Variants in SHISA6 observed in about 807,000 individuals in gnomAD.
SHISA6 encodes the protein shisa family member 6.
In SHISA6, 22 loss-of-function variants were observed where a neutral mutation model predicts 47.9. The ratio of observed to expected loss-of-function variants is 0.46; its 90% CI spans 0.33 to 0.66. The LOEUF (loss-of-function observed/expected upper bound fraction) is 0.66. SHISA6 is among the 30% of genes least tolerant of loss of function. The pLI, the probability that SHISA6 is intolerant of heterozygous loss-of-function variation, is 0.02. For missense variants in SHISA6, 680 were observed against 764.6 expected, an observed-to-expected ratio of 0.89 and a Z score of 1.30; for synonymous variants, 388 against 337.8, an observed-to-expected ratio of 1.15 and a Z score of -1.63.
chr17:11,272,626 C>CT (rs1908721960), intron 2 of SHISA6, among the ~76,000 whole-genome samples: 1 of 152,194 alleles, frequency 6.6e-6, no homozygotes, highest in Non-Finnish European at 1.5e-5. Flanking sequence ...TCTGGTTTCT[C>CT]TAAGGTGTGT....
intron 3 of SHISA6, among the ~76,000 whole-genome samples, chr17:11,432,006 T>TAC (rs1914792177): frequency 1.3e-5 from 2 of 152,282 alleles, no homozygotes; most frequent in African/African-American, 4.8e-5. Context: ...GCTCTTCAGG[T>TAC]ACACTAGAAT....
At position 11,276,615 on chromosome 17, in the gene SHISA6, T is replaced by C. The variant is rs374158936; in HGVS notation, c.799+13089T>C. Among the ~76,000 whole-genome samples the C allele has an allele frequency of 2.2e-3, 336 of 152,010 alleles. 3 individuals are homozygous for C. The highest frequency in any genetic ancestry group is 7.2e-3 in the African/African-American group (300 of 41,422). On this transcript the variant is annotated intron_variant, in intron 2 of 5. Coordinates refer to ENST00000441885, the MANE Select transcript of SHISA6 (RefSeq NM_207386.4). ...ATCGTTGTCACCACCACCACCACCA[T>C]CATCATCCTCACCATCACCAATACC...
intron 3 of SHISA6, among the ~76,000 whole-genome samples, chr17:11,545,924 G>A (rs1254895978): frequency 6.6e-6 from 1 of 152,162 alleles, no homozygotes; most frequent in East Asian, 1.9e-4. Context: ...AACACTTTTT[G>A]CACCCAGCCT....
In SHISA6 at chr17:11,494,602, G is replaced by A. The variant is rs147644211; in HGVS notation, c.896-57294G>A. On this transcript the variant is annotated intron_variant, in intron 3 of 5. Coordinates refer to ENST00000441885, the MANE Select transcript of SHISA6 (RefSeq NM_207386.4). ...CCCAAAATAACAGGGAGTTTATCTG[G>A]AATAGAGTGAAAACATAACAGAACT... 1.4e-4 allele frequency among the ~76,000 whole-genome samples: 21 copies of A among 152,284 alleles called. No homozygotes were observed. In the East Asian group the frequency reaches 4.1e-3, roughly 29 times the overall value.
chr17:11,264,097 G>A (rs1908340839), intron 2 of SHISA6, among the ~76,000 whole-genome samples: 1 of 152,126 alleles, frequency 6.6e-6, no homozygotes, highest in Admixed American at 6.5e-5. Flanking sequence ...GAAAATGGCA[G>A]GGCTTATTTT....
At position 11,297,680 on chromosome 17, in the gene SHISA6, G is replaced by C. The variant is rs118154629; in HGVS notation, c.799+34154G>C. Among the ~76,000 whole-genome samples, 21 of 152,304 alleles carry C rather than the reference G, an allele frequency of 1.4e-4. No individual in the cohort carries two copies. The East Asian group carries it at 4.1e-3, about 29-fold the overall frequency. ...CAGCCTTTGTTCTTAGTATCTGTGTGCTTAGCTGGAAATCAGTTTTTCTTA... is the reference window on the plus strand; with the variant it reads ...CAGCCTTTGTTCTTAGTATCTGTGTCCTTAGCTGGAAATCAGTTTTTCTTA... On this transcript the variant is annotated intron_variant, in intron 2 of 5. Transcript: ENST00000441885.
At chr17:11,523,249 A>AC (rs1296579971) in intron 3 of SHISA6, among the ~76,000 whole-genome samples, 2 of 151,504 alleles carry the variant, frequency 1.3e-5, no homozygotes, top group Middle Eastern at 3.2e-3. Flanking sequence ...AAGGCAGAAA[A>AC]CCCCCCGTTG....
At chr17:11,302,737 C>G (rs899597711) in intron 2 of SHISA6, among the ~76,000 whole-genome samples, 34 of 152,146 alleles carry the variant, frequency 2.2e-4, no homozygotes, top group African/African-American at 8.2e-4. Context: ...TGTGATCCAA[C>G]CATTTCACAT....
intron 3 of SHISA6, among the ~76,000 whole-genome samples, chr17:11,507,543 T>A (rs1017001885): frequency 6.6e-6 from 1 of 152,208 alleles, no homozygotes; most frequent in Non-Finnish European, 1.5e-5. Flanking sequence ...TTCTCTTACT[T>A]TGCCACCCTG....
At chr17:11,508,779 T>C (rs1226127962) in intron 3 of SHISA6, among the ~76,000 whole-genome samples, 1 of 138,688 alleles carries the variant, frequency 7.2e-6, no homozygotes, top group Non-Finnish European at 1.6e-5. Flanking sequence ...TGCACTCCTT[T>C]AGGTATTAGG....
intron 2 of SHISA6, among the ~76,000 whole-genome samples, chr17:11,299,681 A>T (rs997184798): frequency 3.3e-5 from 5 of 152,084 alleles, no homozygotes; most frequent in African/African-American, 1.2e-4. Context: ...TTCAAAGTGC[A>T]TCACTCCAAT....
chr17:11,423,692 G>A (rs891052695), intron 3 of SHISA6, among the ~76,000 whole-genome samples: 7 of 151,894 alleles, frequency 4.6e-5, no homozygotes, highest in South Asian at 4.2e-4. Context: ...CCATACAGCC[G>A]CCAAAACTGC....
chr17:11,525,152 C>G (rs1365541950), intron 3 of SHISA6, among the ~76,000 whole-genome samples: 1 of 152,134 alleles, frequency 6.6e-6, no homozygotes, highest in Non-Finnish European at 1.5e-5. Context: ...TAGAATTAAG[C>G]TGAATTATGT....
chr17:11,258,920 T>C (rs1302727285), intron 1 of SHISA6, among the ~76,000 whole-genome samples: 1 of 152,206 alleles, frequency 6.6e-6, no homozygotes, highest in East Asian at 1.9e-4. Context: ...AGAAGACAAA[T>C]GTGACTAAGT....
chr17:11,355,492 C>G (rs1010934179), intron 2 of SHISA6, among the ~76,000 whole-genome samples: 73 of 152,206 alleles, frequency 4.8e-4, no homozygotes, highest in South Asian at 1.0e-3. Context: ...TTCTAGAAAC[C>G]AGCCAGGTGG....
chr17:11,437,366 G>C (rs1334782452), intron 3 of SHISA6, among the ~76,000 whole-genome samples: 1 of 152,142 alleles, frequency 6.6e-6, no homozygotes, highest in African/African-American at 2.4e-5. Flanking sequence ...GAACATTCTC[G>C]AAGTGGATCA....
At chr17:11,424,705 T>A (rs927117092) in intron 3 of SHISA6, among the ~76,000 whole-genome samples, 5 of 143,040 alleles carry the variant, frequency 3.5e-5, no homozygotes, top group Non-Finnish European at 7.7e-5. Context: ...TATCTTTTTT[T>A]AAAATAAAAA....
intron 3 of SHISA6, among the ~76,000 whole-genome samples, chr17:11,473,916 A>G (rs1400573275): frequency 6.6e-6 from 1 of 151,918 alleles, no homozygotes; most frequent in Non-Finnish European, 1.5e-5. Flanking sequence ...CTTGCCAGTC[A>G]TCCCCCAACA....
chr17:11,350,178 AT>A (rs199879665), intron 2 of SHISA6, among the ~76,000 whole-genome samples: 9 of 101,148 alleles, frequency 8.9e-5, no homozygotes, highest in East Asian at 3.6e-4. Context: ...TTATTTATTT[AT>A]TTATTTTTTT....
Sources: gnomAD v4.1 joint callset for allele counts (sites outside exome capture counted in the v4.1 genomes callset) on GRCh38, gnomAD v4.1.1 for gene constraint, MANE v1.5 for transcripts, NCBI Gene and HGNC (gene_info 2026-07-23, HGNC 2026-07-21) for gene names.